CCDC40: variants seen among roughly 807,000 people sequenced by gnomAD.
CCDC40 encodes coiled-coil domain-containing protein 40.
A neutral mutation model predicts 124.5 loss-of-function variants in CCDC40; 104 were observed. That is an observed-to-expected ratio of 0.84 (90% CI 0.71 to 0.98). The LOEUF (loss-of-function observed/expected upper bound fraction) is 0.98, where lower values mean the gene tolerates loss of function less well. CCDC40 is among the 50% of genes least tolerant of loss of function. CCDC40 has a pLI of 0.00. For synonymous variants in CCDC40, 580 were observed against 602.9 expected, an observed-to-expected ratio of 0.96 and a Z score of 0.56; for missense variants, 1,463 against 1,503.9, an observed-to-expected ratio of 0.97 and a Z score of 0.45.
chr17:80,082,143 G>A (rs577691011), intron 12 of CCDC40, 85 bp downstream of exon 12: 1 of 1,253,032 alleles, frequency 8.0e-7, no homozygotes, highest in South Asian at 1.2e-5. Context: ...GGCGGAGAGG[G>A]CGGAGTCAGT....
Position 80,050,079 on chromosome 17 carries a change from C to G in CCDC40, c.955C>G (p.Gln319Glu). 1 of 1,613,830 alleles carries G rather than the reference C, an allele frequency of 6.2e-7. No individual in the cohort carries two copies. The highest frequency in any genetic ancestry group is 8.5e-7 in the Non-Finnish European group (1 of 1,179,962). Residue 319 changes from glutamine to glutamate, a missense_variant, in exon 7 of 20, where the codon CAG (glutamine) becomes GAG (glutamate). Coordinates refer to ENST00000397545, the MANE Select transcript of CCDC40 (RefSeq NM_017950.4). ...DLQELVVATK[Q>E]SRAQRQELGV... ...TTTGGTCCAGGTTGTGGCTACCAAGCAGAGCCGAGCCCAGCGGCAGGAGCT... is the reference window on the plus strand; with the variant it reads ...TTTGGTCCAGGTTGTGGCTACCAAGGAGAGCCGAGCCCAGCGGCAGGAGCT...
chr17:80,072,768 T>A (rs2038223122), intron 10 of CCDC40, among the ~76,000 whole-genome samples: 1 of 152,178 alleles, frequency 6.6e-6, no homozygotes, highest in African/African-American at 2.4e-5. Flanking sequence ...TTCCTTTTTA[T>A]TGTTGAATAG....
chr17:80,040,336 G>A (rs2037245379), intron 3 of CCDC40, 66 bp downstream of exon 3: 1 of 1,413,310 alleles, frequency 7.1e-7, no homozygotes, highest in Non-Finnish European at 9.8e-7. Flanking sequence ...CACCCTATGT[G>A]AGGAACTTGG....
intron 18 of CCDC40, among the ~76,000 whole-genome samples, chr17:80,096,427 A>C (rs2038810997): frequency 6.6e-6 from 1 of 152,102 alleles, no homozygotes; most frequent in African/African-American, 2.4e-5. Flanking sequence ...GTTTCTGGAG[A>C]GAGGCGGCAG....
chr17:80,056,243 A>G (rs2037746332), intron 7 of CCDC40, among the ~76,000 whole-genome samples: 1 of 151,264 alleles, frequency 6.6e-6, no homozygotes, highest in Middle Eastern at 3.4e-3. Context: ...TTTAACTTAA[A>G]TGGCTGCATA....
At chr17:80,055,998 A>ATTTTTT (rs1568682555) in intron 7 of CCDC40, among the ~76,000 whole-genome samples, 1 of 5,306 alleles carries the variant, frequency 1.9e-4, no homozygotes, top group Non-Finnish European at 9.2e-4. Flanking sequence ...ATATATATAT[A>ATTTTTT]TATATATATA....
chr17:80,057,264 T>G (rs1176287114), intron 7 of CCDC40, among the ~76,000 whole-genome samples: 1 of 151,764 alleles, frequency 6.6e-6, no homozygotes, highest in East Asian at 2.0e-4. Flanking sequence ...ATTTTTGTAT[T>G]TTGAGTAGAG....
In CCDC40 at chr17:80,049,892, T is replaced by G; in HGVS notation, c.856-14T>G. 6.2e-7 allele frequency: 1 copy of G among 1,612,764 alleles called. No homozygotes were observed. Among genetic ancestry groups the G allele is most frequent in the Middle Eastern group, 1.7e-4 (1 of 6,058 alleles). ...ACCAGAAAGGTAACCACCTGTGGTTTTCCATTGTTCTAGCCCCTGATGGTA... is the reference window on the plus strand; with the variant it reads ...ACCAGAAAGGTAACCACCTGTGGTTGTCCATTGTTCTAGCCCCTGATGGTA... On this transcript the variant is annotated splice_polypyrimidine_tract_variant and intron_variant, in intron 5 of 19. Transcript: ENST00000397545.
rs1287520527 is a variant in CCDC40, at chr17:80,086,622, G to A, written c.2449+406G>A. 3.3e-5 allele frequency: 9 copies of A among 275,288 alleles called. No individual in the cohort carries two copies. The highest frequency in any genetic ancestry group is 1.4e-4 in the South Asian group (4 of 27,704). The allele number at this position is 275,288 out of a possible 1,614,324, so 17.1% of individuals were successfully genotyped here. A position where few individuals can be genotyped will look rare whatever the true frequency, so the allele number is the denominator to read the frequency against. On this transcript the variant is annotated intron_variant, in intron 14 of 19. Transcript: ENST00000397545. This position sits in a 1 kb window ranked among gnomAD's most constrained non-coding sequence, Gnocchi z 5.5. The stretch of plus-strand genomic sequence containing the variant: ...GTTGGGCTTAGAAAACCATTCCACC[G>A]GGGCTCCCCAACCCTTCTGAGGCCC...
chr17:80,056,882 A>G (rs2037761049), intron 7 of CCDC40, among the ~76,000 whole-genome samples: 1 of 151,748 alleles, frequency 6.6e-6, no homozygotes, highest in African/African-American at 2.4e-5. Context: ...TACTAAAAAA[A>G]AAAATACAAT....
At chr17:80,056,731 A>T (rs956303476) in intron 7 of CCDC40, among the ~76,000 whole-genome samples, 2 of 151,988 alleles carry the variant, frequency 1.3e-5, no homozygotes, top group African/African-American at 4.8e-5. Flanking sequence ...TAATGAAAGA[A>T]ATATTTAAGA....
At chr17:80,061,772 G>C (rs540209004) in intron 9 of CCDC40, among the ~76,000 whole-genome samples, 1 of 152,156 alleles carries the variant, frequency 6.6e-6, no homozygotes, top group South Asian at 2.1e-4. Flanking sequence ...AGCCCTCCCT[G>C]CTGTCGGCCA....
intron 7 of CCDC40, among the ~76,000 whole-genome samples, chr17:80,053,992 A>G (rs2037674150): frequency 6.6e-6 from 1 of 152,248 alleles, no homozygotes; most frequent in Non-Finnish European, 1.5e-5. Flanking sequence ...AACCCATGAC[A>G]GAGTTTATTT....
intron 10 of CCDC40, among the ~76,000 whole-genome samples, chr17:80,079,660 G>A (rs2038400267): frequency 6.6e-6 from 1 of 151,948 alleles, no homozygotes; most frequent in Admixed American, 6.6e-5. Context: ...GGTGGCTCAT[G>A]CCTGTAATCC....
intron 9 of CCDC40, among the ~76,000 whole-genome samples, chr17:80,064,448 G>C (rs1435625886): frequency 6.6e-6 from 1 of 152,106 alleles, no homozygotes; most frequent in African/African-American, 2.4e-5. Context: ...CCGCGATCCA[G>C]GCCGTGCTGG....
chr17:80,087,538 A>G lies in CCDC40; in HGVS notation c.2450-69A>G. 7.6e-7 allele frequency: 1 copy of G among 1,309,484 alleles called. No homozygotes were observed. 81.1% of individuals were successfully genotyped at this position (1,309,484 alleles called of 1,614,324 possible). On this transcript the variant is annotated intron_variant, in intron 14 of 19. Transcript: ENST00000397545. The surrounding 1 kb of genome is among the most constrained non-coding windows in gnomAD (Gnocchi z 4.5). ...ACAAAACCTGGCTCACCTCTCGGAC[A>G]CTGCTGCCTGCGGGCGAGGACCCGT... is the stretch of plus-strand genomic sequence containing the variant.
At chr17:80,083,167 G>A (rs950196084) in intron 12 of CCDC40, among the ~76,000 whole-genome samples, 25 of 151,926 alleles carry the variant, frequency 1.6e-4, no homozygotes, top group Non-Finnish European at 3.4e-4. Context: ...CGGCTGTGAC[G>A]GGGAGGGACT....
chr17:80,048,503 G>A (rs1004530269), intron 4 of CCDC40, 80 bp from the exon 5 acceptor site: 1 of 1,148,302 alleles, frequency 8.7e-7, no homozygotes, highest in Non-Finnish European at 1.3e-6. Context: ...GACAGCAGCT[G>A]TGCCATTGAT....
At chr17:80,089,574 A>G in intron 16 of CCDC40, 190 bp from the exon 17 acceptor site, 2 of 341,746 alleles carry the variant, frequency 5.9e-6, no homozygotes, top group South Asian at 2.3e-5. Flanking sequence ...TGTATGCCAG[A>G]GGTTGGCAAA....
Sources: allele counts gnomAD v4.1 joint callset (sites outside exome capture counted in the v4.1 genomes callset), GRCh38; gene constraint gnomAD v4.1.1; non-coding constraint Gnocchi (gnomAD v3.1); transcripts MANE v1.5; gene names NCBI Gene and HGNC (gene_info 2026-07-23, HGNC 2026-07-21).